The following ISM1 variants were observed in gnomAD, a reference collection of about 807,000 sequenced individuals.
The protein encoded by ISM1 is isthmin 1.
ISM1 carries 25 observed loss-of-function variants against 46.3 expected under a neutral mutation model. The observed-to-expected ratio is 0.54, with a 90% CI of 0.39 to 0.75. The LOEUF (loss-of-function observed/expected upper bound fraction) is 0.75, where lower values mean the gene tolerates loss of function less well. ISM1 is among the 30% of genes least tolerant of loss of function. The probability of loss-of-function intolerance (pLI) is 0.00; values close to 1 mark genes in which losing one functional copy is unlikely to be tolerated. For missense variants in ISM1, 536 were observed against 625.4 expected (o/e 0.86, Z 1.52); for synonymous variants, 255 against 256.7 (o/e 0.99, Z 0.06).
chr20:13,227,426 A>C (rs967889190), intron 1 of ISM1, among the ~76,000 whole-genome samples: 7 of 150,620 alleles, frequency 4.6e-5, no homozygotes, highest in Non-Finnish European at 8.8e-5. Flanking sequence ...GATGGTCTCA[A>C]TCTCCTGACC....
chr20:13,295,170 C>T (rs2040395150), intron 5 of ISM1, among the ~76,000 whole-genome samples: 1 of 152,188 alleles, frequency 6.6e-6, no homozygotes, highest in African/African-American at 2.4e-5. Context: ...GTCCACCAGC[C>T]ACCAAGGCCT....
chr20:13,298,405 C>T (rs112432574), intron 5 of ISM1, among the ~76,000 whole-genome samples: 27 of 152,292 alleles, frequency 1.8e-4, no homozygotes, highest in African/African-American at 5.5e-4. Flanking sequence ...CATATGCCAC[C>T]GTGCCTGGCC....
At chr20:13,308,915 G>A in the ISM1 span, among the ~76,000 whole-genome samples, 4 of 152,110 alleles carry the variant, frequency 2.6e-5, no homozygotes, top group East Asian at 7.8e-4. Flanking sequence ...CACAAAATGA[G>A]AGGTCAGCAG....
At chr20:13,321,253 TAAAAAAAAA>T in the ISM1 span, among the ~76,000 whole-genome samples, 3 of 57,522 alleles carry the variant, frequency 5.2e-5, no homozygotes, top group African/African-American at 2.3e-4. Flanking sequence ...GTGCCCCACA[TAAAAAAAAA>T]AAAAAAAAAA....
chr20:13,243,186 C>T (rs1384502048), intron 1 of ISM1, among the ~76,000 whole-genome samples: 3 of 152,180 alleles, frequency 2.0e-5, no homozygotes, highest in African/African-American at 7.2e-5. Context: ...AACTTTGAGT[C>T]CCTACTCTGT....
intron 3 of ISM1, 59 bp downstream of exon 3, chr20:13,279,957 T>A: frequency 6.6e-7 from 1 of 1,518,938 alleles, no homozygotes; most frequent in Non-Finnish European, 9.0e-7. Context: ...GATGATGCCT[T>A]GGACATGGAG....
At chr20:13,289,961 C>T in intron 4 of ISM1, among the ~76,000 whole-genome samples, 1 of 152,158 alleles carries the variant, frequency 6.6e-6, no homozygotes, top group East Asian at 1.9e-4. Context: ...CTCAGTTCTC[C>T]AACCAGAGAC....
chr20:13,296,333 A>T (rs1232578406), intron 5 of ISM1, among the ~76,000 whole-genome samples: 1 of 152,212 alleles, frequency 6.6e-6, no homozygotes, highest in Non-Finnish European at 1.5e-5. Flanking sequence ...GTCCCCTGTC[A>T]GTGATGAATG....
chr20:13,224,114 C>T (rs569232635), intron 1 of ISM1, among the ~76,000 whole-genome samples: 1 of 152,080 alleles, frequency 6.6e-6, no homozygotes, highest in East Asian at 1.9e-4. Context: ...ATCTTGAGTC[C>T]CAAGTAGCTG....
intron 3 of ISM1, among the ~76,000 whole-genome samples, chr20:13,286,881 G>A (rs1453506779): frequency 6.6e-6 from 1 of 152,252 alleles, no homozygotes; most frequent in Non-Finnish European, 1.5e-5. Context: ...CTCCCGGCAA[G>A]GGGCATGCCT....
the ISM1 span, among the ~76,000 whole-genome samples, chr20:13,306,564 C>CAAAAAAAAAAAAAAAAAAAAAGA: frequency 1.7e-4 from 11 of 63,910 alleles, no homozygotes; most frequent in Middle Eastern, 0.019. Context: ...GGAGAAAGGA[C>CAAAAAAAAAAAAAAAAAAAAAGA]AAAAAAAAAA....
chr20:13,294,025 CG>C (rs1418528765), intron 5 of ISM1, among the ~76,000 whole-genome samples: 2 of 151,824 alleles, frequency 1.3e-5, no homozygotes, highest in Non-Finnish European at 2.9e-5. Flanking sequence ...GCTACAGTGT[CG>C]GGGGCAGTAG....
intron 1 of ISM1, among the ~76,000 whole-genome samples, chr20:13,243,584 C>T (rs1220186612): frequency 6.6e-6 from 1 of 152,126 alleles, no homozygotes; most frequent in East Asian, 1.9e-4. Context: ...ATTATAAAAG[C>T]AGTAAAACGA....
Position 13,280,850 on chromosome 20 carries a change from G to A in ISM1, c.643+952G>A, listed in dbSNP as rs539982515. The stretch of plus-strand genomic sequence containing the variant: ...TTTGGCAAGCATCTGGCCAGATTTT[G>A]TGGGGAATCAGGCAGTTTGTTATAA... On this transcript the variant is annotated intron_variant, in intron 3 of 5. Transcript: ENST00000262487. Among the ~76,000 whole-genome samples the A allele has an allele frequency of 6.2e-4, 95 of 152,342 alleles. 3 individuals are homozygous for A. The South Asian group carries it at 0.018, about 29-fold the overall frequency.
chr20:13,229,110 C>G (rs1278297215), intron 1 of ISM1, among the ~76,000 whole-genome samples: 1 of 150,494 alleles, frequency 6.6e-6, no homozygotes, highest in African/African-American at 2.5e-5. Context: ...TCTTCCTTTC[C>G]TTTCTTTTTC....
At chr20:13,235,529 T>A (rs75765549) in intron 1 of ISM1, among the ~76,000 whole-genome samples, 1,880 of 152,272 alleles carry the variant, frequency 0.012, 45 homozygotes, top group African/African-American at 0.041. Flanking sequence ...GTGGCCAGAG[T>A]CAGGCCAAGA....
the ISM1 span, among the ~76,000 whole-genome samples, chr20:13,318,494 T>C: frequency 2.0e-5 from 3 of 152,180 alleles, no homozygotes; most frequent in Non-Finnish European, 4.4e-5. Flanking sequence ...CCCAAAAAAC[T>C]TGAAAAATTG....
chr20:13,271,741 A>G (rs1287216876), intron 2 of ISM1, among the ~76,000 whole-genome samples: 1 of 152,066 alleles, frequency 6.6e-6, no homozygotes, highest in East Asian at 1.9e-4. Flanking sequence ...CCCCCGGGCA[A>G]CCCAGCCCCT....
At chr20:13,223,666 A>G (rs950429111) in intron 1 of ISM1, among the ~76,000 whole-genome samples, 2 of 152,188 alleles carry the variant, frequency 1.3e-5, no homozygotes, top group African/African-American at 2.4e-5. Context: ...GGGTTCTCTC[A>G]CCTTCTCCCG....
Sources: gnomAD v4.1 joint callset for allele counts (sites outside exome capture counted in the v4.1 genomes callset) on GRCh38, gnomAD v4.1.1 for gene constraint, MANE v1.5 for transcripts, NCBI Gene and HGNC (gene_info 2026-07-23, HGNC 2026-07-21) for gene names.